The following RNASEH1 variants were observed in gnomAD, a reference collection of about 807,000 sequenced individuals.
The protein encoded by RNASEH1 is ribonuclease H1.
RNASEH1 carries 27 observed loss-of-function variants against 34.6 expected under a neutral mutation model. The ratio of observed to expected loss-of-function variants is 0.78; its 90% CI spans 0.58 to 1.08. The LOEUF (loss-of-function observed/expected upper bound fraction) is 1.08. RNASEH1 is among the 50% of genes least tolerant of loss of function. The probability of loss-of-function intolerance (pLI) is 0.00; values close to 1 mark genes in which losing one functional copy is unlikely to be tolerated. For synonymous variants in RNASEH1, 162 were observed against 138.4 expected, an observed-to-expected ratio of 1.17 and a Z score of -1.20; for missense variants, 349 against 373.6, an observed-to-expected ratio of 0.93 and a Z score of 0.54.
intron 6 of RNASEH1, among the ~76,000 whole-genome samples, chr2:3,548,412 G>A (rs1004647584): frequency 2.0e-5 from 3 of 152,168 alleles, no homozygotes; most frequent in East Asian, 3.8e-4. Context: ...AGAAGTAAGA[G>A]CCACTTCCAC....
rs867888883 is a variant in RNASEH1 at position 3,547,336 on chromosome 2, C to A, written c.774+595G>T. 2.6e-4 allele frequency among the ~76,000 whole-genome samples: 40 copies of A among 152,260 alleles called. No homozygotes were observed. The Middle Eastern group carries it at 0.01, about 39-fold the overall frequency. On this transcript the variant is annotated intron_variant, in intron 7 of 7. Transcript: ENST00000315212. ...AGACTACAGGCATGTGCCACTACCC[C>A]TGGCTAATTTTTTATTTTTTCGAGA... is the stretch of plus-strand genomic sequence containing the variant.
In RNASEH1 at chr2:3,545,598, T is replaced by A. The variant is rs531802969; in HGVS notation, c.*187A>T. On this transcript the variant is annotated 3_prime_UTR_variant, in exon 8 of 8. Transcript: ENST00000315212. ...ATTCTCCAATCTCAAAGATGTTCAA[T>A]TTATTATATACTTAACCATTTTTTA... The A allele has an allele frequency of 4.5e-5, 26 of 580,048 alleles. No homozygotes were observed. Among genetic ancestry groups the A allele is most frequent in the African/African-American group, 3.7e-4 (20 of 53,758 alleles). The allele number at this position is 580,048 out of a possible 1,614,324, so 35.9% of individuals were successfully genotyped here.
Position 3,543,542 on chromosome 2 carries a change from A to G in RNASEH1, c.*2243T>C, listed in dbSNP as rs74464267. Among the ~76,000 whole-genome samples the G allele has an allele frequency of 0.03, 4,551 of 152,232 alleles. 241 individuals carry two copies. Among genetic ancestry groups the G allele is most frequent in the African/African-American group, 0.1 (4,282 of 41,514 alleles). ...GAAGAGGCTCCCTCTCACTGACCGAATAAGCTAGTCTGAGCTAAATAAAGA... is the reference window on the plus strand; with the variant it reads ...GAAGAGGCTCCCTCTCACTGACCGAGTAAGCTAGTCTGAGCTAAATAAAGA... On this transcript the variant is annotated 3_prime_UTR_variant, in exon 8 of 8. Transcript: ENST00000315212.
the RNASEH1 span, among the ~76,000 whole-genome samples, chr2:3,534,766 G>A: frequency 6.6e-6 from 1 of 152,232 alleles, no homozygotes; most frequent in Non-Finnish European, 1.5e-5. Flanking sequence ...TCTCCGGCTG[G>A]TGAAGTGGCA....
At position 3,550,402 on chromosome 2, in the gene RNASEH1, G is replaced by T; in HGVS notation, c.480C>A (p.Ile160=). 6.2e-7 allele frequency: 1 copy of T among 1,614,068 alleles called. No homozygotes were observed. The highest frequency in any genetic ancestry group is 8.5e-7 in the Non-Finnish European group (1 of 1,179,962). The change falls in exon 4 of 8, where the codon ATC becomes ATA. Residue 160 remains isoleucine, a synonymous_variant. Transcript: ENST00000315212. ...GATGGCCTGGCCCCCAGTAAACGCCGATTCCTGCTCGCGGCCTTCTACGCC... is the reference window on the plus strand; with the variant it reads ...GATGGCCTGGCCCCCAGTAAACGCCTATTCCTGCTCGCGGCCTTCTACGCC... The part of the protein sequence containing the change: ...SNGRRRPRAG[I]GVYWGPGHPL...
At chr2:3,536,199 GAGT>G in the RNASEH1 span, among the ~76,000 whole-genome samples, 1 of 152,258 alleles carries the variant, frequency 6.6e-6, no homozygotes, top group Non-Finnish European at 1.5e-5. Flanking sequence ...TGCACTCACA[GAGT>G]AGAGAATTTT....
chr2:3,557,945 C>T, intron 1 of RNASEH1, 188 bp downstream of exon 1: 1 of 1,525,092 alleles, frequency 6.6e-7, no homozygotes. Flanking sequence ...GCGTTCCAGT[C>T]CCAGGCCATG....
At chr2:3,554,657 T>A (rs971468943) in intron 2 of RNASEH1, among the ~76,000 whole-genome samples, 3 of 152,196 alleles carry the variant, frequency 2.0e-5, no homozygotes, top group African/African-American at 7.2e-5. Flanking sequence ...CTAGCTTGCT[T>A]TAAGAGTCAG....
At chr2:3,556,171 A>AG (rs1323689125) in intron 2 of RNASEH1, among the ~76,000 whole-genome samples, 1 of 152,076 alleles carries the variant, frequency 6.6e-6, no homozygotes, top group Admixed American at 6.6e-5. Context: ...CTCTGTCTCA[A>AG]GGAAAAAAAA....
At position 3,548,930 on chromosome 2, in the gene RNASEH1, ATTG is replaced by A; in HGVS notation, c.564+125_564+127del. The stretch of plus-strand genomic sequence containing the variant: ...TTCTACAAAATTCCTATTTTTCAAA[ATTG>A]TTATTAAACCCGTCTCTCTTCAAAT... On this transcript the variant is annotated intron_variant, in intron 5 of 7. Coordinates refer to ENST00000315212, the MANE Select transcript of RNASEH1 (RefSeq NM_002936.6). 9.8e-6 allele frequency: 9 copies of A among 920,850 alleles called. No individual in the cohort carries two copies. In the South Asian group the frequency reaches 1.2e-4, roughly 13 times the overall value. The allele number at this position is 920,850 out of a possible 1,614,324, so 57.0% of individuals were successfully genotyped here. A position where few individuals can be genotyped will look rare whatever the true frequency, so the allele number is the denominator to read the frequency against.
At chr2:3,546,065 C>T (rs1336657450) in intron 7 of RNASEH1, among the ~76,000 whole-genome samples, 194 bp from the exon 8 acceptor site, 3 of 152,218 alleles carry the variant, frequency 2.0e-5, no homozygotes, top group South Asian at 2.1e-4. Context: ...ATGTGATTTA[C>T]GAACATTCCA....
At chr2:3,557,999 C>T in intron 1 of RNASEH1, 134 bp downstream of exon 1, 2 of 1,484,650 alleles carry the variant, frequency 1.3e-6, no homozygotes, top group Non-Finnish European at 1.8e-6. Flanking sequence ...ACGAGGCGGT[C>T]CCCCGACCAC....
downstream of RNASEH1, among the ~76,000 whole-genome samples, chr2:3,538,994 T>C (rs928798058): frequency 5.3e-5 from 8 of 152,246 alleles, no homozygotes; most frequent in African/African-American, 1.9e-4. Context: ...GGGCCATGAG[T>C]ATTTCTTTTT....
chr2:3,534,715 G>C, the RNASEH1 span, among the ~76,000 whole-genome samples: 6 of 152,252 alleles, frequency 3.9e-5, no homozygotes, highest in Non-Finnish European at 8.8e-5. Context: ...GTGATCCTTG[G>C]GCCGAGTGAG....
chr2:3,557,237 C>G (rs1558462423), intron 1 of RNASEH1, among the ~76,000 whole-genome samples: 1 of 151,972 alleles, frequency 6.6e-6, no homozygotes. Flanking sequence ...TATTTTTGAT[C>G]TATGGTTAGC....
intron 3 of RNASEH1, among the ~76,000 whole-genome samples, chr2:3,551,748 T>C (rs182056777): frequency 1.3e-5 from 2 of 152,316 alleles, no homozygotes; most frequent in East Asian, 1.9e-4. Flanking sequence ...CAGGATAAAA[T>C]AGAATCTCTT....
chr2:3,550,906 A>G (rs1446615414), intron 3 of RNASEH1, among the ~76,000 whole-genome samples: 1 of 152,174 alleles, frequency 6.6e-6, no homozygotes, highest in African/African-American at 2.4e-5. Flanking sequence ...GTGCTGGTCT[A>G]ATTTCTTCCC....
intron 4 of RNASEH1, 134 bp from the exon 5 acceptor site, chr2:3,549,246 A>G (rs1379319335): frequency 1.3e-6 from 1 of 779,020 alleles, no homozygotes; most frequent in Non-Finnish European, 2.2e-6. Flanking sequence ...TCAAACTAAC[A>G]GACTCCCAGC....
the RNASEH1 span, chr2:3,533,870 T>C: frequency 2.6e-5 from 4 of 152,236 alleles, no homozygotes; most frequent in Admixed American, 2.6e-4. Context: ...AGAAGACAGA[T>C]TCCTAGGCAG....
Sources: gnomAD v4.1 joint callset for allele counts (sites outside exome capture counted in the v4.1 genomes callset) on GRCh38, gnomAD v4.1.1 for gene constraint, MANE v1.5 for transcripts, NCBI Gene and HGNC (gene_info 2026-07-23, HGNC 2026-07-21) for gene names.